CAB39: variants seen among roughly 807,000 people sequenced by gnomAD.
CAB39 encodes the protein calcium-binding protein 39.
A neutral mutation model predicts 40.0 loss-of-function variants in CAB39; 8 were observed. The observed-to-expected ratio is 0.20, with a 90% CI of 0.12 to 0.36. CAB39 has a LOEUF of 0.36. Among genes scored for constraint, CAB39 ranks in the 10% least tolerant of loss-of-function variants. CAB39 has a pLI of 1.00. For synonymous variants in CAB39, 156 were observed against 141.6 expected, an observed-to-expected ratio of 1.10 and a Z score of -0.72; for missense variants, 270 against 401.1, an observed-to-expected ratio of 0.67 and a Z score of 2.79.
At chr2:230,725,536 G>A (rs1694551225) in intron 1 of CAB39, 7 of 864,516 alleles carry the variant, frequency 8.1e-6, no homozygotes, top group Non-Finnish European at 1.3e-5. Context: ...ATATTTTTAG[G>A]TAAGTAATGG....
At chr2:230,726,794 A>G (rs1268779483) in intron 1 of CAB39, among the ~76,000 whole-genome samples, 1 of 151,926 alleles carries the variant, frequency 6.6e-6, no homozygotes, top group Non-Finnish European at 1.5e-5. Context: ...GTTGATGGAA[A>G]GAGGGCAACC....
chr2:230,799,983 C>T (rs2124967979), intron 5 of CAB39, among the ~76,000 whole-genome samples: 1 of 150,162 alleles, frequency 6.7e-6, no homozygotes, highest in South Asian at 2.1e-4. Flanking sequence ...AAAAGCGAAA[C>T]TCCATCTCAA....
At chr2:230,727,927 A>AT (rs1694615689) in intron 1 of CAB39, among the ~76,000 whole-genome samples, 1 of 152,196 alleles carries the variant, frequency 6.6e-6, no homozygotes, top group South Asian at 2.1e-4. Flanking sequence ...ATACCAAAAG[A>AT]TACCAAATTC....
At chr2:230,781,276 AGAG>A (rs1344251949) in intron 2 of CAB39, among the ~76,000 whole-genome samples, 1 of 152,194 alleles carries the variant, frequency 6.6e-6, no homozygotes, top group Admixed American at 6.5e-5. Context: ...AAAGGAGTAA[AGAG>A]AGACTAATGG....
chr2:230,730,793 A>G (rs1353477085), intron 1 of CAB39, among the ~76,000 whole-genome samples: 4 of 152,146 alleles, frequency 2.6e-5, no homozygotes, highest in Non-Finnish European at 5.9e-5. Context: ...GTTTATTTTC[A>G]TTGCTGTCGA....
chr2:230,728,365 C>CT lies in CAB39; in HGVS notation c.-44+15147dup, dbSNP rs781685757. On this transcript the variant is annotated intron_variant, in intron 1 of 8. Transcript: ENST00000258418. ...GATGAAAACTATATTCCAAATTTAT[C>CT]TTTTTTTTTTTTCCTGCTCACTGCA... 2.9e-3 allele frequency among the ~76,000 whole-genome samples: 434 copies of CT among 147,288 alleles called. 1 individual carries two copies. Among genetic ancestry groups the CT allele is most frequent in the African/African-American group, 8.8e-3 (357 of 40,530 alleles).
intron 2 of CAB39, among the ~76,000 whole-genome samples, chr2:230,789,071 T>C (rs896371270): frequency 6.6e-6 from 1 of 152,196 alleles, no homozygotes; most frequent in Non-Finnish European, 1.5e-5. Context: ...AGATGTCCCT[T>C]TTTCCCCCCT....
intron 1 of CAB39, among the ~76,000 whole-genome samples, chr2:230,723,573 T>C (rs1694495731): frequency 6.6e-6 from 1 of 152,116 alleles, no homozygotes; most frequent in South Asian, 2.1e-4. Flanking sequence ...ACCCTTTTGC[T>C]CCTTTTAGTG....
intron 5 of CAB39, among the ~76,000 whole-genome samples, chr2:230,804,833 G>C (rs527328692): frequency 6.6e-6 from 1 of 152,222 alleles, no homozygotes; most frequent in South Asian, 2.1e-4. Flanking sequence ...GTGGAAGACA[G>C]TGTGGCGATT....
At position 230,819,652 on chromosome 2, in the gene CAB39, T is replaced by C. The variant is rs1696471604; in HGVS notation, c.*948T>C. ...AAAATGCTGATTTAACATTTAAGTA[T>C]CACAGCATTAAAAGAAAAAGAAAGT... On this transcript the variant is annotated 3_prime_UTR_variant, in exon 9 of 9. Coordinates refer to ENST00000258418, the MANE Select transcript of CAB39 (RefSeq NM_016289.4). 1 of 152,550 alleles carries C rather than the reference T, an allele frequency of 6.6e-6. No individual in the cohort carries two copies. The highest frequency in any genetic ancestry group is 1.5e-5 in the Non-Finnish European group (1 of 68,034). The allele number at this position is 152,550 out of a possible 1,614,324, so 9.4% of individuals were successfully genotyped here.
At chr2:230,781,619 T>C (rs1319446920) in intron 2 of CAB39, among the ~76,000 whole-genome samples, 1 of 152,176 alleles carries the variant, frequency 6.6e-6, no homozygotes, top group Admixed American at 6.5e-5. Context: ...GGTGACATGA[T>C]GATTCAGCAG....
At chr2:230,789,523 A>T (rs1414583237) in intron 2 of CAB39, among the ~76,000 whole-genome samples, 1 of 152,194 alleles carries the variant, frequency 6.6e-6, no homozygotes, top group Non-Finnish European at 1.5e-5. Context: ...CCCCCTGAGT[A>T]CTTTGCTTGA....
chr2:230,725,911 C>T (rs1257028642), intron 1 of CAB39, among the ~76,000 whole-genome samples: 1 of 152,150 alleles, frequency 6.6e-6, no homozygotes, highest in Non-Finnish European at 1.5e-5. Flanking sequence ...CATCAGACTG[C>T]ACTTGATGTT....
chr2:230,737,954 T>G (rs2124885024), intron 1 of CAB39, among the ~76,000 whole-genome samples: 1 of 152,176 alleles, frequency 6.6e-6, no homozygotes, highest in South Asian at 2.1e-4. Flanking sequence ...AGCACTTGGG[T>G]TTTTCACCTT....
chr2:230,743,225 T>C (rs1393410177), intron 1 of CAB39, among the ~76,000 whole-genome samples: 2 of 152,042 alleles, frequency 1.3e-5, no homozygotes, highest in African/African-American at 4.8e-5. Flanking sequence ...ACTCACTCTA[T>C]ATGACTTCCA....
chr2:230,721,797 A>G (rs762610008), intron 1 of CAB39, among the ~76,000 whole-genome samples: 6 of 152,174 alleles, frequency 3.9e-5, no homozygotes, highest in Non-Finnish European at 7.3e-5. Flanking sequence ...AGTAGTGTGT[A>G]TTGGCAAATT....
chr2:230,815,825 C>T (rs1696390153), intron 7 of CAB39, among the ~76,000 whole-genome samples: 1 of 152,218 alleles, frequency 6.6e-6, no homozygotes, highest in South Asian at 2.1e-4. Context: ...GCCCCATGAA[C>T]ACATGGAGCG....
At chr2:230,742,358 G>A (rs1276303340) in intron 1 of CAB39, among the ~76,000 whole-genome samples, 2 of 152,172 alleles carry the variant, frequency 1.3e-5, no homozygotes, top group Non-Finnish European at 2.9e-5. Context: ...TGTATTTTTA[G>A]TAGAGACGGG....
chr2:230,795,057 C>T (rs915403913), intron 4 of CAB39, among the ~76,000 whole-genome samples: 36 of 152,274 alleles, frequency 2.4e-4, no homozygotes, highest in Admixed American at 5.9e-4. Context: ...GGGTGGATCA[C>T]TTGAGTCCAG....
Sources: allele counts gnomAD v4.1 joint callset (sites outside exome capture counted in the v4.1 genomes callset), GRCh38; gene constraint gnomAD v4.1.1; transcripts MANE v1.5; gene names NCBI Gene and HGNC (gene_info 2026-07-23, HGNC 2026-07-21).